BCHE: variants seen among roughly 807,000 people sequenced by gnomAD.
The protein encoded by BCHE is butyrylcholinesterase, also known as cholinesterase.
BCHE carries 48 observed loss-of-function variants against 51.3 expected under a neutral mutation model. The observed-to-expected ratio is 0.94, with a 90% confidence interval of 0.74 to 1.19. The LOEUF (loss-of-function observed/expected upper bound fraction) is 1.19, where lower values mean the gene tolerates loss of function less well. Ranked by LOEUF, BCHE falls within the 50% of genes most tolerant of loss-of-function variation. The pLI, the probability that BCHE is intolerant of heterozygous loss-of-function variation, is 0.00. For synonymous variants in BCHE, 251 were observed against 238.0 expected, an observed-to-expected ratio of 1.05 and a Z score of -0.50; for missense variants, 847 against 708.2, an observed-to-expected ratio of 1.20 and a Z score of -2.23.
intron 2 of BCHE, among the ~76,000 whole-genome samples, chr3:165,821,852 C>T (rs894854061): frequency 1.3e-4 from 20 of 151,796 alleles, no homozygotes; most frequent in Admixed American, 1.2e-3. Context: ...TTGTCTTACC[C>T]ACTCCCCATT....
intron 1 of BCHE, among the ~76,000 whole-genome samples, chr3:165,832,858 A>T (rs551929278): frequency 4.6e-5 from 7 of 152,264 alleles, no homozygotes; most frequent in African/African-American, 1.7e-4. Context: ...CCTATGTCCC[A>T]GACGTAGGGT....
chr3:165,830,008 T>A lies in BCHE; in HGVS notation c.1026A>T (p.Lys342Asn). 1 of 1,613,686 alleles carries A rather than the reference T, an allele frequency of 6.2e-7. No individual in the cohort carries two copies. Among genetic ancestry groups the A allele is most frequent in the Admixed American group, 1.7e-5 (1 of 59,878 alleles). The change falls in exon 2 of 4, where the codon AAA (lysine) becomes AAT (asparagine). Residue 342 changes from lysine (K) to asparagine (N), a missense_variant. Physicochemically the swap from Lys to Asn is moderately conservative, Grantham distance 94 (BLOSUM62 0). Coordinates refer to ENST00000264381, the MANE Select transcript of BCHE (RefSeq NM_000055.4). The part of the protein sequence containing the change: ...DILLELGQFK[K>N]TQILVGVNKD... The stretch of plus-strand genomic sequence containing the variant: ...TATTAACACCCACCAAAATCTGGGT[T>A]TTTTTAAATTGTCCAAGTTCAAGTA...
chr3:165,773,224 G>T lies in BCHE; in HGVS notation c.*158C>A. ...AGCCATTTGGGTTTTGAAATGCTAG[G>T]TAAAATACTAAGTTAAAGATGTGAG... On this transcript the variant is annotated 3_prime_UTR_variant, in exon 4 of 4. Transcript: ENST00000264381. 1 of 655,430 alleles carries T rather than the reference G, an allele frequency of 1.5e-6. No individual in the cohort carries two copies. The highest frequency in any genetic ancestry group is 2.5e-6 in the Non-Finnish European group (1 of 399,610). The allele number at this position is 655,430 out of a possible 1,614,324, so 40.6% of individuals were successfully genotyped here.
At position 165,798,981 on chromosome 3, in the gene BCHE, TAC is replaced by T. The variant is rs377214656; in HGVS notation, c.1518-12672_1518-12671del. On this transcript the variant is annotated intron_variant, in intron 2 of 3. Coordinates refer to ENST00000264381, the MANE Select transcript of BCHE (RefSeq NM_000055.4). ...TTCTCAATGATAGAATTACAAATAA[TAC>T]AGTTTTTAGGATAATATCTGTGGCT... 1.8e-4 allele frequency among the ~76,000 whole-genome samples: 28 copies of T among 152,284 alleles called. No individual in the cohort carries two copies. The East Asian group carries it at 5.0e-3, about 27-fold the overall frequency.
Position 165,782,924 on chromosome 3 carries a change from C to T in BCHE, c.1684+3221G>A, listed in dbSNP as rs1184879927. Among the ~76,000 whole-genome samples, 7 of 151,854 alleles carry T rather than the reference C, an allele frequency of 4.6e-5. No homozygotes were observed. The South Asian group carries it at 6.2e-4, about 13-fold the overall frequency. ...TTTTCTCCATGAACTCATCACCTCC[C>T]GCAACGATTCACCTTCTAATACCAG... is the stretch of plus-strand genomic sequence containing the variant. On this transcript the variant is annotated intron_variant, in intron 3 of 3. Coordinates refer to ENST00000264381, the MANE Select transcript of BCHE (RefSeq NM_000055.4).
chr3:165,792,476 A>G (rs1370934190), intron 2 of BCHE, among the ~76,000 whole-genome samples: 1 of 152,166 alleles, frequency 6.6e-6, no homozygotes, highest in Non-Finnish European at 1.5e-5. Context: ...CATAAAACTC[A>G]AATACTAGAA....
At chr3:165,807,307 C>A (rs570100241) in intron 2 of BCHE, among the ~76,000 whole-genome samples, 8 of 151,616 alleles carry the variant, frequency 5.3e-5, no homozygotes, top group African/African-American at 1.9e-4. Context: ...TGATAAAGGC[C>A]ATTTTTAAAA....
At chr3:165,780,878 A>T (rs1712670274) in intron 3 of BCHE, among the ~76,000 whole-genome samples, 1 of 152,178 alleles carries the variant, frequency 6.6e-6, no homozygotes, top group Non-Finnish European at 1.5e-5. Context: ...CTGGAACCAG[A>T]AATATCATTT....
chr3:165,803,693 T>G (rs1713754508), intron 2 of BCHE, among the ~76,000 whole-genome samples: 1 of 152,198 alleles, frequency 6.6e-6, no homozygotes, highest in East Asian at 1.9e-4. Flanking sequence ...TGATCAATAT[T>G]GACCTTGAAT....
In BCHE at chr3:165,773,341, A is replaced by T; in HGVS notation, c.*41T>A. 6.3e-7 allele frequency: 1 copy of T among 1,585,684 alleles called. No homozygotes were observed. The highest frequency in any genetic ancestry group is 1.3e-5 in the African/African-American group (1 of 74,294). On this transcript the variant is annotated 3_prime_UTR_variant, in exon 4 of 4. Transcript: ENST00000264381. ...AAAAGCTCCTGATATTTTTGCCTTG[A>T]TCTAAAGGAAAATATGTTCTATAAA...
chr3:165,829,432 A>G (rs1355676001), intron 2 of BCHE, 85 bp downstream of exon 2: 3 of 1,160,600 alleles, frequency 2.6e-6, no homozygotes, highest in African/African-American at 1.5e-5. Context: ...GTGTCTTTAT[A>G]CTAAAGTCTA....
intron 2 of BCHE, among the ~76,000 whole-genome samples, chr3:165,791,066 G>T (rs1467029623): frequency 6.6e-6 from 1 of 152,144 alleles, no homozygotes; most frequent in Non-Finnish European, 1.5e-5. Context: ...GGAGGCCGAG[G>T]TGGGCAGGTC....
intron 1 of BCHE, among the ~76,000 whole-genome samples, chr3:165,836,740 A>C (rs114142672): frequency 0.053 from 8,130 of 152,220 alleles, 284 homozygotes; most frequent in Non-Finnish European, 0.079. Context: ...ACGCTCATAA[A>C]TCACTGTAAA....
Position 165,830,110 on chromosome 3 carries a change from G to T in BCHE, c.924C>A (p.Val308=). 1 of 1,613,822 alleles carries T rather than the reference G, an allele frequency of 6.2e-7. No individual in the cohort carries two copies. The highest frequency in any genetic ancestry group is 8.5e-7 in the Non-Finnish European group (1 of 1,179,886). The change falls in exon 2 of 4, where the codon GTC becomes GTA. Residue 308 remains valine, a synonymous_variant. Transcript: ENST00000264381. ...QEILLNEAFV[V]PYGTPLSVNF... Reference sequence around the variant, plus strand: ...TTACTGACAAAGGAGTCCCATAGGGGACAACAAATGCTTCATTCAGAAGAA... The same window carrying T: ...TTACTGACAAAGGAGTCCCATAGGGTACAACAAATGCTTCATTCAGAAGAA...
chr3:165,807,475 T>A (rs1353332416), intron 2 of BCHE, among the ~76,000 whole-genome samples: 1 of 151,862 alleles, frequency 6.6e-6, no homozygotes, highest in Non-Finnish European at 1.5e-5. Flanking sequence ...CAGATATTTA[T>A]TTAATAATGA....
chr3:165,816,922 C>T (rs73877738), intron 2 of BCHE, among the ~76,000 whole-genome samples: 1 of 151,904 alleles, frequency 6.6e-6, no homozygotes, highest in Non-Finnish European at 1.5e-5. Flanking sequence ...ATTTATAGCC[C>T]CTTTTTCTCC....
chr3:165,836,159 G>A (rs1010975622), intron 1 of BCHE, among the ~76,000 whole-genome samples: 1 of 151,686 alleles, frequency 6.6e-6, no homozygotes, highest in East Asian at 1.9e-4. Context: ...AAAAAATTAG[G>A]AGAACAAAAC....
At chr3:165,790,455 CT>C (rs1049759621) in intron 2 of BCHE, among the ~76,000 whole-genome samples, 1 of 152,090 alleles carries the variant, frequency 6.6e-6, no homozygotes, top group Admixed American at 6.6e-5. Context: ...TAATTTGTAA[CT>C]TTTTGCTATA....
chr3:165,833,607 G>C (rs768734948), intron 1 of BCHE, among the ~76,000 whole-genome samples: 16 of 152,040 alleles, frequency 1.1e-4, no homozygotes, highest in Admixed American at 5.2e-4. Flanking sequence ...AAATAAATAA[G>C]TAAAATATAA....
Sources: allele counts gnomAD v4.1 joint callset (sites outside exome capture counted in the v4.1 genomes callset), GRCh38; gene constraint gnomAD v4.1.1; transcripts MANE v1.5; gene names NCBI Gene and HGNC (gene_info 2026-07-23, HGNC 2026-07-21).